PCDH11X: variants seen among roughly 807,000 people sequenced by gnomAD.
The protein encoded by PCDH11X is protocadherin-11 X-linked.
Under a neutral mutation model 53.3 loss-of-function variants are expected in PCDH11X, and 18 were observed. The ratio of observed to expected loss-of-function variants is 0.34; its 90% CI spans 0.23 to 0.50. The LOEUF (loss-of-function observed/expected upper bound fraction) is 0.50, where lower values mean the gene tolerates loss of function less well. PCDH11X is among the 20% of genes least tolerant of loss of function. The probability of loss-of-function intolerance (pLI) is 0.98; values close to 1 mark genes in which losing one functional copy is unlikely to be tolerated. For synonymous variants in PCDH11X, 279 were observed against 393.3 expected, an observed-to-expected ratio of 0.71 and a Z score of 3.44; for missense variants, 570 against 1,032.4, an observed-to-expected ratio of 0.55 and a Z score of 6.14.
At chrX:92,505,031 A>C (rs1421097447) in intron 10 of PCDH11X, among the ~76,000 whole-genome samples, 1 of 108,102 alleles carries the variant, frequency 9.3e-6, no homozygotes, top group African/African-American at 3.3e-5. Context: ...TAATTTGTTT[A>C]AGTTCCTTAT....
chrX:92,122,708 G>A (rs1474439139), intron 6 of PCDH11X, among the ~76,000 whole-genome samples: 2 of 111,170 alleles, frequency 1.8e-5, no homozygotes, highest in Admixed American at 9.6e-5. Context: ...AGGCCGAGGC[G>A]AGTGGATCAC....
At chrX:92,434,484 C>A (rs184273130) in intron 9 of PCDH11X, among the ~76,000 whole-genome samples, 1 of 110,303 alleles carries the variant, frequency 9.1e-6, no homozygotes, top group African/African-American at 3.3e-5. Context: ...TTTTTAAAAA[C>A]GTATATTCAC....
chrX:92,467,761 C>A (rs1403756946), intron 9 of PCDH11X, among the ~76,000 whole-genome samples: 2 of 111,338 alleles, frequency 1.8e-5, no homozygotes, highest in Non-Finnish European at 3.8e-5. Flanking sequence ...GAAAAAGTTT[C>A]TTAAACCATG....
At chrX:92,531,802 A>T (rs976126759) in intron 10 of PCDH11X, among the ~76,000 whole-genome samples, 1 of 111,247 alleles carries the variant, frequency 9.0e-6, no homozygotes, top group Non-Finnish European at 1.9e-5. Context: ...ATGACCTAAC[A>T]GTATGCCCAA....
At chrX:92,570,922 A>G (rs1922134341) in intron 10 of PCDH11X, among the ~76,000 whole-genome samples, 1 of 110,698 alleles carries the variant, frequency 9.0e-6, no homozygotes. Flanking sequence ...AAATAAGAAG[A>G]GAGAAAAAAG....
chrX:91,946,181 ATTT>A (rs911992793), intron 6 of PCDH11X, among the ~76,000 whole-genome samples: 3 of 109,013 alleles, frequency 2.8e-5, no homozygotes, highest in African/African-American at 9.9e-5. Flanking sequence ...TGTGATTCCC[ATTT>A]TACAGATAAG....
chrX:91,837,238 T>C (rs1288362491), intron 5 of PCDH11X, among the ~76,000 whole-genome samples: 2 of 111,078 alleles, frequency 1.8e-5, no homozygotes, highest in African/African-American at 6.5e-5. Context: ...ACAAACCTCT[T>C]GAGCAAATTT....
chrX:92,499,038 AT>A (rs1484468057), intron 10 of PCDH11X, among the ~76,000 whole-genome samples: 2 of 91,066 alleles, frequency 2.2e-5, no homozygotes, highest in East Asian at 7.5e-4. Context: ...CTAAAAAGAA[AT>A]CCGCAGACAG....
intron 6 of PCDH11X, among the ~76,000 whole-genome samples, chrX:91,936,124 A>G (rs1342679698): frequency 1.9e-5 from 2 of 104,248 alleles, no homozygotes; most frequent in Non-Finnish European, 3.9e-5. Context: ...CTGAGGAGGG[A>G]GCCCATTCAG....
At position 92,255,917 on chromosome X, in the gene PCDH11X, G is replaced by A. The variant is rs1200577409; in HGVS notation, c.3115-7197G>A. The stretch of plus-strand genomic sequence containing the variant: ...TCTATGCCCTGCCCCCAGAGGTGGA[G>A]CCTACAGAGGCAGGCAGGCCTCCTT... On this transcript the variant is annotated intron_variant, in intron 7 of 10. Transcript: ENST00000682573. 3.6e-5 allele frequency among the ~76,000 whole-genome samples: 4 copies of A among 112,644 alleles called. No individual in the cohort carries two copies. In the East Asian group the frequency reaches 1.1e-3, roughly 32 times the overall value.
At chrX:92,183,254 T>C (rs1220650492) in intron 6 of PCDH11X, among the ~76,000 whole-genome samples, 1 of 94,425 alleles carries the variant, frequency 1.1e-5, no homozygotes, top group Non-Finnish European at 2.1e-5. Flanking sequence ...AAACCTTTTT[T>C]TTTTTTTTTT....
intron 9 of PCDH11X, among the ~76,000 whole-genome samples, chrX:92,422,872 G>A (rs1450345080): frequency 1.1e-4 from 12 of 106,802 alleles, no homozygotes; most frequent in African/African-American, 3.4e-4. Flanking sequence ...TTTTTGAGAC[G>A]GAGTCTCACT....
chrX:92,081,735 C>CACACAT (rs1341080549), intron 6 of PCDH11X, among the ~76,000 whole-genome samples: 1 of 110,388 alleles, frequency 9.1e-6, no homozygotes, highest in Admixed American at 9.7e-5. Context: ...CACACACACA[C>CACACAT]ACATACATAC....
At chrX:92,370,530 G>C (rs1482591535) in intron 8 of PCDH11X, among the ~76,000 whole-genome samples, 8 of 104,667 alleles carry the variant, frequency 7.6e-5, no homozygotes, top group Non-Finnish European at 1.6e-4. Flanking sequence ...TGTGATCTTG[G>C]CTCACTGAAA....
intron 8 of PCDH11X, among the ~76,000 whole-genome samples, chrX:92,320,688 G>GA (rs2148492478): frequency 9.0e-6 from 1 of 111,280 alleles, no homozygotes; most frequent in East Asian, 2.9e-4. Flanking sequence ...TATAAATTTA[G>GA]AAAAGGAGAG....
intron 6 of PCDH11X, among the ~76,000 whole-genome samples, chrX:91,912,911 G>C (rs192277841): frequency 9.8e-5 from 11 of 112,082 alleles, no homozygotes; most frequent in African/African-American, 3.2e-4. Context: ...ACCTACCTTC[G>C]ATCACACATC....
At chrX:91,901,061 A>G (rs1408682139) in intron 6 of PCDH11X, among the ~76,000 whole-genome samples, 1 of 110,724 alleles carries the variant, frequency 9.0e-6, no homozygotes, top group Non-Finnish European at 1.9e-5. Flanking sequence ...CTGACTTTTT[A>G]GCTGCTGGGC....
At chrX:92,152,455 C>T (rs900744329) in intron 6 of PCDH11X, among the ~76,000 whole-genome samples, 3 of 111,778 alleles carry the variant, frequency 2.7e-5, no homozygotes, top group African/African-American at 9.7e-5. Context: ...AGTTATCCTT[C>T]ATGAACACTT....
chrX:91,784,015 A>G (rs775552355), intron 1 of PCDH11X, among the ~76,000 whole-genome samples: 1 of 112,155 alleles, frequency 8.9e-6, no homozygotes, highest in East Asian at 2.8e-4. Flanking sequence ...TAGCCAAGAA[A>G]TGTATCTGGA....
Sources: allele counts gnomAD v4.1 joint callset (sites outside exome capture counted in the v4.1 genomes callset), GRCh38; gene constraint gnomAD v4.1.1; transcripts MANE v1.5; gene names NCBI Gene and HGNC (gene_info 2026-07-23, HGNC 2026-07-21).